BCR: variants seen among roughly 807,000 people sequenced by gnomAD.
BCR encodes breakpoint cluster region protein.
BCR carries 58 observed loss-of-function variants against 138.6 expected under a neutral mutation model. The observed-to-expected ratio is 0.42, with a 90% CI of 0.34 to 0.52. The LOEUF (loss-of-function observed/expected upper bound fraction) is 0.52, where lower values mean the gene tolerates loss of function less well. Ranked by LOEUF, BCR falls within the 20% of genes least tolerant of loss-of-function variation. BCR has a pLI of 0.06. For missense variants in BCR, 1,599 were observed against 1,727.2 expected, an observed-to-expected ratio of 0.93 and a Z score of 1.32; for synonymous variants, 786 against 730.1, an observed-to-expected ratio of 1.08 and a Z score of -1.23.
At chr22:23,298,595 T>G (rs1490156663) in intron 16 of BCR, among the ~76,000 whole-genome samples, 1 of 150,700 alleles carries the variant, frequency 6.6e-6, no homozygotes, top group African/African-American at 2.4e-5. Context: ...CTTTTTCCTT[T>G]CCTTTTGCCT....
At chr22:23,288,263 C>T (rs551519322) in intron 12 of BCR, 91 bp downstream of exon 12, 9 of 1,322,186 alleles carry the variant, frequency 6.8e-6, no homozygotes, top group African/African-American at 1.5e-5. Context: ...TTTTTTATTT[C>T]GAGGGGTTTT....
intron 16 of BCR, among the ~76,000 whole-genome samples, chr22:23,296,319 A>G (rs187064222): frequency 1.4e-5 from 2 of 146,044 alleles, no homozygotes; most frequent in Admixed American, 1.4e-4. Flanking sequence ...GCTTGCAATG[A>G]GTCAAGATCA....
chr22:23,253,037 C>T (rs923781150), intron 1 of BCR, among the ~76,000 whole-genome samples: 1 of 152,196 alleles, frequency 6.6e-6, no homozygotes, highest in African/African-American at 2.4e-5. Flanking sequence ...CTACAGCCCC[C>T]TCCTTGAGTT....
chr22:23,183,878 G>C (rs1038816855), intron 1 of BCR, among the ~76,000 whole-genome samples: 1 of 152,220 alleles, frequency 6.6e-6, no homozygotes, highest in African/African-American at 2.4e-5. Flanking sequence ...GACGCCGAAT[G>C]CAAGTCAGTA....
intron 1 of BCR, among the ~76,000 whole-genome samples, chr22:23,183,849 C>T (rs981388792): frequency 3.3e-5 from 5 of 152,180 alleles, no homozygotes; most frequent in Non-Finnish European, 7.3e-5. Flanking sequence ...TAGACTTGGC[C>T]ATGTTGGCCA....
chr22:23,181,721 G>A lies in BCR; in HGVS notation c.761G>A (p.Arg254His). ...TACGAGGACGCCGAGTTGAACCCCCGCTTCCTGAAGGACAACCTGATCGAC... is the reference window on the plus strand; with the variant it reads ...TACGAGGACGCCGAGTTGAACCCCCACTTCCTGAAGGACAACCTGATCGAC... Reference protein sequence around the residue: ...GDYEDAELNPRFLKDNLIDAN... With the variant: ...GDYEDAELNPHFLKDNLIDAN... Residue 254 changes from arginine (R) to histidine (H), a missense_variant, in exon 1 of 23, where the codon CGC (arginine) becomes CAC (histidine). Arg to His is a conservative substitution (Grantham distance 29, BLOSUM62 0). Around this residue, in one of 4 missense-constraint regions of BCR, gnomAD observed 806 missense variants for 635.0 expected, o/e 1.27. Transcript: ENST00000305877. The A allele has an allele frequency of 6.2e-7, 1 of 1,603,794 alleles. No homozygotes were observed. Among genetic ancestry groups the A allele is most frequent in the Non-Finnish European group, 8.5e-7 (1 of 1,179,952 alleles).
chr22:23,240,644 T>A lies in BCR; in HGVS notation c.1280-13155T>A, dbSNP rs142819116. Among the ~76,000 whole-genome samples, 1,387 of 151,454 alleles carry A rather than the reference T, an allele frequency of 9.2e-3. 16 individuals carry two copies. Among genetic ancestry groups the A allele is most frequent in the African/African-American group, 0.032 (1,305 of 41,180 alleles). On this transcript the variant is annotated intron_variant, in intron 1 of 22. Coordinates refer to ENST00000305877, the MANE Select transcript of BCR (RefSeq NM_004327.4). ...TCCAGCCTGGGTGACAGAGCGAGAC[T>A]GTCTCAAAAAGAAAAAAAAAAGAAA...
intron 8 of BCR, among the ~76,000 whole-genome samples, chr22:23,275,472 G>A (rs922117085): frequency 1.3e-5 from 2 of 152,216 alleles, no homozygotes; most frequent in African/African-American, 4.8e-5. Context: ...GTCTCTGAGC[G>A]CATTGAAGGC....
intron 4 of BCR, among the ~76,000 whole-genome samples, chr22:23,266,588 C>T (rs2073444060): frequency 6.6e-6 from 1 of 152,152 alleles, no homozygotes; most frequent in African/African-American, 2.4e-5. Flanking sequence ...CTGGGTATTG[C>T]CATGTTGGCC....
intron 1 of BCR, among the ~76,000 whole-genome samples, chr22:23,230,276 G>A (rs953911399): frequency 6.6e-6 from 1 of 152,182 alleles, no homozygotes; most frequent in African/African-American, 2.4e-5. Context: ...GGGAAAGGCT[G>A]TAGTGTGCTT....
At chr22:23,294,331 A>G (rs2073821857) in intron 15 of BCR, among the ~76,000 whole-genome samples, 1 of 152,194 alleles carries the variant, frequency 6.6e-6, no homozygotes, top group South Asian at 2.1e-4. Context: ...CACCATAATA[A>G]TATCTTACAG....
At chr22:23,273,840 C>G in intron 8 of BCR, 66 bp downstream of exon 8, 1 of 1,595,298 alleles carries the variant, frequency 6.3e-7, no homozygotes, top group Non-Finnish European at 8.6e-7. Flanking sequence ...CAGGGCCCCT[C>G]GATCTGAGGT....
intron 1 of BCR, among the ~76,000 whole-genome samples, chr22:23,239,025 T>C (rs1451478707): frequency 6.6e-6 from 1 of 152,164 alleles, no homozygotes; most frequent in Non-Finnish European, 1.5e-5. Flanking sequence ...GCAGGGTTCA[T>C]AGGCACCTTC....
chr22:23,312,239 A>C, intron 19 of BCR: 1 of 211,784 alleles, frequency 4.7e-6, no homozygotes, highest in Non-Finnish European at 9.6e-6. Flanking sequence ...ACCAACCCTC[A>C]CAGGCTATGA....
At chr22:23,279,213 C>G (rs1456154666) in intron 8 of BCR, among the ~76,000 whole-genome samples, 2 of 152,216 alleles carry the variant, frequency 1.3e-5, no homozygotes. Flanking sequence ...CCAGGCCCTG[C>G]CCTACCCTCC....
At chr22:23,253,406 T>C (rs184149990) in intron 1 of BCR, among the ~76,000 whole-genome samples, 137 of 152,300 alleles carry the variant, frequency 9.0e-4, no homozygotes, top group African/African-American at 3.1e-3. Flanking sequence ...TTCCTGAGGC[T>C]ATCCAGGAGC....
chr22:23,255,328 G>A (rs934029066), intron 2 of BCR, among the ~76,000 whole-genome samples: 3 of 152,166 alleles, frequency 2.0e-5, no homozygotes, highest in African/African-American at 7.2e-5. Flanking sequence ...CCTATCCCAC[G>A]TCGAGTGTCA....
At chr22:23,278,420 TTGA>T (rs2073604345) in intron 8 of BCR, among the ~76,000 whole-genome samples, 3 of 151,966 alleles carry the variant, frequency 2.0e-5, no homozygotes, top group African/African-American at 7.3e-5. Context: ...GGTCTTTCAG[TTGA>T]TGATTAAAGA....
At chr22:23,267,346 C>G (rs2073454352) in intron 4 of BCR, among the ~76,000 whole-genome samples, 1 of 152,160 alleles carries the variant, frequency 6.6e-6, no homozygotes, top group South Asian at 2.1e-4. Context: ...TGGCAGGTGT[C>G]TTCCAGCTGC....
Sources: gnomAD v4.1 joint callset for allele counts (sites outside exome capture counted in the v4.1 genomes callset) on GRCh38, gnomAD v4.1.1 for gene constraint, gnomAD v4.1.1 regional missense constraint, MANE v1.5 for transcripts, NCBI Gene and HGNC (gene_info 2026-07-23, HGNC 2026-07-21) for gene names.